NFATC1: variants seen among roughly 807,000 people sequenced by gnomAD.
NFATC1 encodes nuclear factor of activated T cells 1, also known as nuclear factor of activated T-cells, cytoplasmic 1.
Under a neutral mutation model 76.0 loss-of-function variants are expected in NFATC1, and 22 were observed. The ratio of observed to expected loss-of-function variants is 0.29; its 90% CI spans 0.21 to 0.41. The LOEUF is 0.41. NFATC1 is among the 10% of genes least tolerant of loss of function. The pLI is 1.00. For missense variants in NFATC1, 1,357 were observed against 1,337.7 expected (o/e 1.01, Z -0.23); for synonymous variants, 704 against 613.1 (o/e 1.15, Z -2.19).
In NFATC1 at chr18:79,524,510, G is replaced by C. The variant is rs1375419835; in HGVS notation, c.2783-3018G>C. On this transcript the variant is annotated intron_variant, in intron 9 of 9. Transcript: ENST00000427363. The surrounding 1 kb of genome is among the most constrained non-coding windows in gnomAD (Gnocchi z 7.2). ...GGGCTGTGTCTGGTCCCGGCCACGC[G>C]TCCCTGCAGCGTCTGAGACCTTGTG... Among the ~76,000 whole-genome samples, 4 of 152,210 alleles carry C rather than the reference G, an allele frequency of 2.6e-5. No homozygotes were observed. Among genetic ancestry groups the C allele is most frequent in the Admixed American group, 2.6e-4 (4 of 15,290 alleles).
Position 79,471,919 on chromosome 18 carries a change from T to C in NFATC1, c.2092+4337T>C, listed in dbSNP as rs140850062. Among the ~76,000 whole-genome samples, 91 of 152,318 alleles carry C rather than the reference T, an allele frequency of 6.0e-4. 1 individual carries two copies. Among genetic ancestry groups the C allele is most frequent in the Admixed American group, 8.5e-4 (13 of 15,304 alleles). ...AAGACGCGCTTCCCTCCCCCGGTAC[T>C]AACCAGCCCTTCTGCTGGCCCTGCA... On this transcript the variant is annotated intron_variant, in intron 8 of 9. Transcript: ENST00000427363.
intron 1 of NFATC1, among the ~76,000 whole-genome samples, chr18:79,405,003 G>A: frequency 6.6e-6 from 1 of 152,378 alleles, no homozygotes; most frequent in Middle Eastern, 3.4e-3. Context: ...GAGTGAGAGA[G>A]ATCGCTTTTA....
chr18:79,476,081 A>AGGGCCAC (rs113064242), intron 8 of NFATC1, among the ~76,000 whole-genome samples: 9,519 of 152,146 alleles, frequency 0.063, 972 homozygotes, highest in African/African-American at 0.22. Context: ...GAGAAATCTA[A>AGGGCCAC]GGGCCACGGG....
At chr18:79,459,673 G>A (rs1444683363) in intron 6 of NFATC1, among the ~76,000 whole-genome samples, 1 of 152,112 alleles carries the variant, frequency 6.6e-6, no homozygotes, top group Non-Finnish European at 1.5e-5. Flanking sequence ...TGTTGCGCCC[G>A]GGAGCTTCAG....
chr18:79,441,899 C>A (rs1187918864), intron 3 of NFATC1, among the ~76,000 whole-genome samples: 1 of 152,040 alleles, frequency 6.6e-6, no homozygotes, highest in Non-Finnish European at 1.5e-5. Context: ...TAAATCTAAA[C>A]GTGGTGTTTC....
intron 2 of NFATC1, among the ~76,000 whole-genome samples, chr18:79,431,796 C>T (rs1010694440): frequency 1.3e-5 from 2 of 152,132 alleles, no homozygotes; most frequent in African/African-American, 4.8e-5. Flanking sequence ...TCCTCCTCTT[C>T]GGTATAAGCA....
intron 1 of NFATC1, chr18:79,400,552 G>T: frequency 2.4e-6 from 3 of 1,242,144 alleles, no homozygotes; most frequent in Non-Finnish European, 3.1e-6. Flanking sequence ...CCCCCTCCGC[G>T]TCCTCGTCGC....
intron 1 of NFATC1, among the ~76,000 whole-genome samples, chr18:79,399,765 G>T (rs930662366): frequency 1.3e-5 from 2 of 152,046 alleles, no homozygotes; most frequent in African/African-American, 4.8e-5. Flanking sequence ...CCTCCTGCAG[G>T]GGGTTGCAGG....
intron 2 of NFATC1, among the ~76,000 whole-genome samples, chr18:79,425,029 C>G (rs1441680242): frequency 5.4e-5 from 8 of 148,198 alleles, no homozygotes; most frequent in African/African-American, 1.6e-4. Flanking sequence ...GTCTCCATCT[C>G]TCTCCATCTC....
intron 3 of NFATC1, among the ~76,000 whole-genome samples, chr18:79,441,080 C>T (rs980430703): frequency 1.3e-5 from 2 of 152,250 alleles, no homozygotes; most frequent in African/African-American, 4.8e-5. Flanking sequence ...CTGGGCCCTG[C>T]GGAGCCGAGA....
chr18:79,481,142 C>T (rs146125038), intron 8 of NFATC1, among the ~76,000 whole-genome samples: 1 of 152,254 alleles, frequency 6.6e-6, no homozygotes, highest in Non-Finnish European at 1.5e-5. Flanking sequence ...CCAAGCCCTG[C>T]CTCTGGGGCT....
At position 79,451,012 on chromosome 18, in the gene NFATC1, G is replaced by A. The variant is rs1285605233; in HGVS notation, c.1648G>A (p.Glu550Lys). The stretch of plus-strand genomic sequence containing the variant: ...CTCCGACATTGAACTTCGGAAAGGA[G>A]AGACGGACATCGGGAGGAAGAACAC... ...RNSDIELRKGETDIGRKNTRV... is the reference protein window; with the variant it reads ...RNSDIELRKGKTDIGRKNTRV... Residue 550 changes from glutamate (E) to lysine (K), a missense_variant, in exon 5 of 10, where the codon GAG becomes AAG. Around this residue, in one of 3 missense-constraint regions of NFATC1, gnomAD observed 242 missense variants for 329.2 expected, o/e 0.74. Coordinates refer to ENST00000427363, the MANE Select transcript of NFATC1 (RefSeq NM_001278669.2). 2 of 1,613,806 alleles carry A rather than the reference G, an allele frequency of 1.2e-6. No individual in the cohort carries two copies. Among genetic ancestry groups the A allele is most frequent in the Non-Finnish European group, 8.5e-7 (1 of 1,180,028 alleles).
At chr18:79,456,272 G>A (rs1046861802) in intron 6 of NFATC1, among the ~76,000 whole-genome samples, 5 of 152,222 alleles carry the variant, frequency 3.3e-5, no homozygotes, top group African/African-American at 1.2e-4. Context: ...CGGCGAGTGT[G>A]GGGTGCATGT....
At position 79,464,702 on chromosome 18, in the gene NFATC1, A is replaced by ATATATATATATT. The variant is rs1425452711; in HGVS notation, c.1960-2747_1960-2746insATATATATATTT. On this transcript the variant is annotated intron_variant, in intron 7 of 9. Transcript: ENST00000427363. ...TATGTGTATATATATATATTTATTT[A>ATATATATATATT]TTTATTTATTTTTTTTTTTTTGAGA... is the stretch of plus-strand genomic sequence containing the variant. 4.5e-4 allele frequency among the ~76,000 whole-genome samples: 31 copies of ATATATATATATT among 69,280 alleles called. 1 individual carries two copies. The highest frequency in any genetic ancestry group is 1.1e-3 in the Admixed American group (8 of 7,446). 45.5% of individuals were successfully genotyped at this position (69,280 alleles called of 152,430 possible). A position where few individuals can be genotyped will look rare whatever the true frequency, so the allele number is the denominator to read the frequency against.
intron 9 of NFATC1, among the ~76,000 whole-genome samples, chr18:79,514,065 G>C (rs1333583773): frequency 6.6e-6 from 1 of 152,134 alleles, no homozygotes; most frequent in Non-Finnish European, 1.5e-5. Context: ...TCCAGGCGCT[G>C]CCCAGGTTCA....
chr18:79,488,871 C>T (rs1287921760), intron 9 of NFATC1, among the ~76,000 whole-genome samples: 2 of 152,026 alleles, frequency 1.3e-5, no homozygotes, highest in Non-Finnish European at 2.9e-5. Flanking sequence ...CCTGCAGGCC[C>T]AGGTGGGAAG....
At chr18:79,503,884 G>C (rs1398666889) in intron 9 of NFATC1, among the ~76,000 whole-genome samples, 1 of 152,216 alleles carries the variant, frequency 6.6e-6, no homozygotes, top group Non-Finnish European at 1.5e-5. Context: ...CTTCATCTTT[G>C]CTTTTATGGT....
chr18:79,499,352 TCACA>T (rs3085264), intron 9 of NFATC1, among the ~76,000 whole-genome samples: 1 of 151,694 alleles, frequency 6.6e-6, no homozygotes, highest in Non-Finnish European at 1.5e-5. Context: ...TGTGAGTGTG[TCACA>T]CACACACATA....
chr18:79,444,647 C>T (rs1208995638), intron 3 of NFATC1, among the ~76,000 whole-genome samples: 2 of 152,228 alleles, frequency 1.3e-5, no homozygotes, highest in African/African-American at 2.4e-5. Context: ...ACCACACCAG[C>T]GCCGCACACA....
Sources: allele counts gnomAD v4.1 joint callset (sites outside exome capture counted in the v4.1 genomes callset), GRCh38; gene constraint gnomAD v4.1.1; regional missense constraint gnomAD v4.1.1; non-coding constraint Gnocchi (gnomAD v3.1); transcripts MANE v1.5; gene names NCBI Gene and HGNC (gene_info 2026-07-23, HGNC 2026-07-21).